LRMDA: variants seen among roughly 807,000 people sequenced by gnomAD.
LRMDA encodes leucine-rich melanocyte differentiation-associated protein.
LRMDA carries 18 observed loss-of-function variants against 29.8 expected under a neutral mutation model. The ratio of observed to expected loss-of-function variants is 0.60; its 90% CI spans 0.42 to 0.90. The LOEUF (loss-of-function observed/expected upper bound fraction) is 0.90. LRMDA is among the 40% of genes least tolerant of loss of function. The pLI is 0.00. For missense variants in LRMDA, 273 were observed against 273.9 expected (o/e 1.00, Z 0.02); for synonymous variants, 125 against 109.4 (o/e 1.14, Z -0.89).
At chr10:76,483,584 C>T (rs866080912) in intron 6 of LRMDA, among the ~76,000 whole-genome samples, 1 of 151,650 alleles carries the variant, frequency 6.6e-6, no homozygotes, top group African/African-American at 2.4e-5. Context: ...GGTTCTGGGG[C>T]AATAGGGGCA....
intron 2 of LRMDA, among the ~76,000 whole-genome samples, chr10:75,580,632 C>G (rs1840577321): frequency 6.6e-6 from 1 of 152,138 alleles, no homozygotes; most frequent in Non-Finnish European, 1.5e-5. Flanking sequence ...GCCAAAAGAA[C>G]AAAGCTGGAG....
At chr10:75,839,710 T>C (rs1054333901) in intron 2 of LRMDA, among the ~76,000 whole-genome samples, 24 of 140,614 alleles carry the variant, frequency 1.7e-4, no homozygotes, top group Admixed American at 1.2e-3. Context: ...CTTTTTTTTT[T>C]TTTTTTTTTT....
rs76760452 is a variant in LRMDA at position 75,525,473 on chromosome 10, A to T, written c.131+86979A>T. Among the ~76,000 whole-genome samples, 1,252 of 152,264 alleles carry T rather than the reference A, an allele frequency of 8.2e-3. 16 individuals are homozygous for T. Among genetic ancestry groups the T allele is most frequent in the African/African-American group, 0.029 (1,203 of 41,548 alleles). On this transcript the variant is annotated intron_variant, in intron 2 of 6. Coordinates refer to ENST00000611255, the MANE Select transcript of LRMDA (RefSeq NM_001305581.2). ...AATGAAAATGCCCAGGATTAAGTCC[A>T]GTATGTAGAGTTCTGAATGGGTTGG...
intron 2 of LRMDA, among the ~76,000 whole-genome samples, chr10:75,763,719 G>C (rs563448845): frequency 6.7e-6 from 1 of 149,238 alleles, no homozygotes; most frequent in African/African-American, 2.5e-5. Context: ...TTTTTTGGCA[G>C]GTGTTGGGGA....
At chr10:75,832,263 A>T (rs1844358898) in intron 2 of LRMDA, among the ~76,000 whole-genome samples, 3 of 152,178 alleles carry the variant, frequency 2.0e-5, no homozygotes, top group Admixed American at 2.0e-4. Flanking sequence ...CTTCCACCAG[A>T]TACCCTAAAT....
At chr10:75,439,695 A>G (rs1307144726) in intron 2 of LRMDA, among the ~76,000 whole-genome samples, 1 of 152,100 alleles carries the variant, frequency 6.6e-6, no homozygotes, top group Non-Finnish European at 1.5e-5. Context: ...CTTACTCCCA[A>G]AGGGTTTGTG....
intron 2 of LRMDA, among the ~76,000 whole-genome samples, chr10:75,461,878 C>T (rs1844589857): frequency 1.3e-5 from 2 of 152,218 alleles, no homozygotes; most frequent in African/African-American, 4.8e-5. Flanking sequence ...GGCCAGAGCC[C>T]TATGAGGTGG....
chr10:76,299,190 C>T (rs1251182791), intron 5 of LRMDA, among the ~76,000 whole-genome samples: 2 of 107,188 alleles, frequency 1.9e-5, no homozygotes, highest in South Asian at 2.9e-4. Flanking sequence ...TGTGTGTGTG[C>T]ATGCACGCAC....
At chr10:76,371,716 A>G (rs1841457405) in intron 6 of LRMDA, among the ~76,000 whole-genome samples, 1 of 152,134 alleles carries the variant, frequency 6.6e-6, no homozygotes, top group South Asian at 2.1e-4. Flanking sequence ...TCCATATGCT[A>G]GGTGAGTTGG....
At chr10:75,723,457 G>A (rs1395422835) in intron 2 of LRMDA, among the ~76,000 whole-genome samples, 1 of 152,220 alleles carries the variant, frequency 6.6e-6, no homozygotes, top group African/African-American at 2.4e-5. Context: ...CAAACATTAT[G>A]TATTGTCACA....
chr10:75,562,896 T>C (rs1840317263), intron 2 of LRMDA, among the ~76,000 whole-genome samples: 1 of 152,156 alleles, frequency 6.6e-6, no homozygotes, highest in Non-Finnish European at 1.5e-5. Context: ...TGCTGAGAGA[T>C]CTGCTGTTAG....
intron 2 of LRMDA, among the ~76,000 whole-genome samples, chr10:75,711,919 AACAC>A (rs146819347): frequency 4.7e-5 from 7 of 149,310 alleles, no homozygotes; most frequent in South Asian, 4.3e-4. Flanking sequence ...TTGAAGGTAA[AACAC>A]ACACACACAC....
At chr10:75,845,999 A>G (rs926411535) in intron 2 of LRMDA, among the ~76,000 whole-genome samples, 1 of 152,106 alleles carries the variant, frequency 6.6e-6, no homozygotes, top group Admixed American at 6.6e-5. Flanking sequence ...CATTGCTGCT[A>G]TTGTTTTACT....
At chr10:75,662,401 T>C (rs902477219) in intron 2 of LRMDA, among the ~76,000 whole-genome samples, 16 of 152,168 alleles carry the variant, frequency 1.1e-4, no homozygotes, top group African/African-American at 3.9e-4. Flanking sequence ...GGAAACACAT[T>C]AGAACTAACC....
At chr10:76,269,007 T>A (rs1390943536) in intron 5 of LRMDA, among the ~76,000 whole-genome samples, 2 of 152,180 alleles carry the variant, frequency 1.3e-5, no homozygotes, top group African/African-American at 4.8e-5. Context: ...AAGTCAGGAA[T>A]ATAAATGACT....
intron 2 of LRMDA, among the ~76,000 whole-genome samples, chr10:75,624,160 C>T (rs1841221713): frequency 6.6e-6 from 1 of 152,230 alleles, no homozygotes; most frequent in South Asian, 2.1e-4. Context: ...ATAAATAATA[C>T]AATAACATAT....
At chr10:75,602,097 A>G (rs1260859469) in intron 2 of LRMDA, among the ~76,000 whole-genome samples, 1 of 152,098 alleles carries the variant, frequency 6.6e-6, no homozygotes, top group Admixed American at 6.5e-5. Context: ...CATGTGCCTC[A>G]TGTTTGCTGC....
At chr10:76,096,876 C>T (rs900488529) in intron 5 of LRMDA, among the ~76,000 whole-genome samples, 28 of 152,008 alleles carry the variant, frequency 1.8e-4, no homozygotes, top group African/African-American at 6.3e-4. Context: ...GTATGAGCTT[C>T]GAAATTTTAA....
intron 2 of LRMDA, among the ~76,000 whole-genome samples, chr10:75,947,026 C>T (rs1379200762): frequency 6.6e-6 from 1 of 152,170 alleles, no homozygotes; most frequent in African/African-American, 2.4e-5. Flanking sequence ...GTTTTCTAGG[C>T]CCTGCCCCAC....
Sources: allele counts gnomAD v4.1 joint callset (sites outside exome capture counted in the v4.1 genomes callset), GRCh38; gene constraint gnomAD v4.1.1; transcripts MANE v1.5; gene names NCBI Gene and HGNC (gene_info 2026-07-23, HGNC 2026-07-21).